The following CAST variants were observed in gnomAD, a reference collection of about 807,000 sequenced individuals.
CAST encodes MIR583 host.
CAST carries 76 observed loss-of-function variants against 119.6 expected under a neutral mutation model. The ratio of observed to expected loss-of-function variants is 0.64; its 90% CI spans 0.53 to 0.77. The LOEUF (loss-of-function observed/expected upper bound fraction) is 0.77. Among genes scored for constraint, CAST ranks in the 30% least tolerant of loss-of-function variants. The pLI, the probability that CAST is intolerant of heterozygous loss-of-function variation, is 0.00. For synonymous variants in CAST, 319 were observed against 331.6 expected, an observed-to-expected ratio of 0.96 and a Z score of 0.41; for missense variants, 953 against 946.5, an observed-to-expected ratio of 1.01 and a Z score of -0.09.
chr5:96,099,238 T>C, the CAST span, among the ~76,000 whole-genome samples: 2 of 152,058 alleles, frequency 1.3e-5, no homozygotes, highest in African/African-American at 4.8e-5. Flanking sequence ...AACAATGGGG[T>C]TTTCTAGATA....
At chr5:96,195,883 A>G in the CAST span, among the ~76,000 whole-genome samples, 91 of 152,304 alleles carry the variant, frequency 6.0e-4, no homozygotes, top group African/African-American at 2.1e-3. Context: ...ATGGCATTAA[A>G]TTCCCTTGAA....
intron 3 of CAST, chr5:96,703,029 C>T: frequency 2.5e-6 from 2 of 784,974 alleles, no homozygotes; most frequent in Non-Finnish European, 3.1e-6. Flanking sequence ...CAGCGGACTC[C>T]CCAGGCTCGG....
chr5:96,665,517 T>C (rs1312593777), intron 1 of CAST, among the ~76,000 whole-genome samples: 2 of 152,198 alleles, frequency 1.3e-5, no homozygotes, highest in Non-Finnish European at 2.9e-5. Flanking sequence ...CGCTAGACCA[T>C]GGACTCCTAA....
At chr5:96,108,473 G>A in the CAST span, among the ~76,000 whole-genome samples, 62 of 152,326 alleles carry the variant, frequency 4.1e-4, 1 homozygote, top group East Asian at 6.8e-3. Flanking sequence ...GTCTGTTGGA[G>A]TACCCGGCCG....
chr5:96,424,225 T>C, the CAST span, among the ~76,000 whole-genome samples: 1 of 152,130 alleles, frequency 6.6e-6, no homozygotes, highest in South Asian at 2.1e-4. Flanking sequence ...AAAGTGTCAG[T>C]GAAGGAGCTG....
intron 1 of CAST, among the ~76,000 whole-genome samples, chr5:96,666,141 T>C (rs1159547206): frequency 6.6e-6 from 1 of 152,144 alleles, no homozygotes; most frequent in Non-Finnish European, 1.5e-5. Flanking sequence ...CTCAGATGTG[T>C]TCGTTTAACA....
At chr5:96,442,884 CTTCT>C in the CAST span, among the ~76,000 whole-genome samples, 2 of 152,118 alleles carry the variant, frequency 1.3e-5, no homozygotes, top group Non-Finnish European at 2.9e-5. Context: ...CCTCTTCTTC[CTTCT>C]TTATTATTGT....
At chr5:96,255,275 G>A in the CAST span, among the ~76,000 whole-genome samples, 1 of 152,104 alleles carries the variant, frequency 6.6e-6, no homozygotes, top group Non-Finnish European at 1.5e-5. Context: ...TCAAAGCTTG[G>A]AATGTTGTGG....
At chr5:96,010,014 T>C in the CAST span, among the ~76,000 whole-genome samples, 1 of 152,226 alleles carries the variant, frequency 6.6e-6, no homozygotes, top group African/African-American at 2.4e-5. Flanking sequence ...TGTATATGGC[T>C]AGCCAGTTAT....
At chr5:96,704,111 A>G (rs1273160188) in intron 3 of CAST, among the ~76,000 whole-genome samples, 1 of 152,222 alleles carries the variant, frequency 6.6e-6, no homozygotes, top group Non-Finnish European at 1.5e-5. Flanking sequence ...ACCTATAGCA[A>G]TGAGGCTGAC....
chr5:96,698,230 T>G (rs909819442), intron 3 of CAST, among the ~76,000 whole-genome samples: 1 of 152,196 alleles, frequency 6.6e-6, no homozygotes, highest in Non-Finnish European at 1.5e-5. Flanking sequence ...ACCCTATTTT[T>G]CTGAGATGGG....
intron 1 of CAST, among the ~76,000 whole-genome samples, chr5:96,556,408 C>T (rs1045985255): frequency 6.6e-6 from 1 of 152,144 alleles, no homozygotes; most frequent in Non-Finnish European, 1.5e-5. Context: ...GATCAAACTA[C>T]TCAGAGCTAA....
At chr5:96,355,391 G>A in the CAST span, among the ~76,000 whole-genome samples, 1 of 152,024 alleles carries the variant, frequency 6.6e-6, no homozygotes, top group African/African-American at 2.4e-5. Context: ...AGTATTCTGT[G>A]GTATATATTT....
chr5:96,349,137 C>CTCTTTTTTTTTTTTTTTTTTTTTTTTTT, the CAST span, among the ~76,000 whole-genome samples: 1 of 31,316 alleles, frequency 3.2e-5, no homozygotes, highest in Non-Finnish European at 5.9e-5. Context: ...AACAAGGACA[C>CTCTTTTTTTTTTTTTTTTTTTTTTTTTT]TATTTTTTTT....
At chr5:96,490,557 A>G in the CAST span, among the ~76,000 whole-genome samples, 9 of 152,346 alleles carry the variant, frequency 5.9e-5, 1 homozygote, top group Non-Finnish European at 1.0e-4. Flanking sequence ...ATAATCATAT[A>G]CAAATAGGCT....
At chr5:96,552,589 A>G (rs1262096650) in intron 1 of CAST, among the ~76,000 whole-genome samples, 1 of 152,240 alleles carries the variant, frequency 6.6e-6, no homozygotes, top group African/African-American at 2.4e-5. Flanking sequence ...TGAAGGAGAT[A>G]GAGACACAAA....
the CAST span, among the ~76,000 whole-genome samples, chr5:96,114,569 C>T: frequency 6.6e-6 from 1 of 152,264 alleles, no homozygotes; most frequent in East Asian, 1.9e-4. Flanking sequence ...ATCTGTATTT[C>T]TAACAAATTT....
At chr5:96,035,591 G>T in the CAST span, among the ~76,000 whole-genome samples, 1 of 151,922 alleles carries the variant, frequency 6.6e-6, no homozygotes, top group Admixed American at 6.6e-5. Flanking sequence ...TCTCTGGAAG[G>T]TGTAATATGG....
At chr5:96,213,054 G>C in the CAST span, among the ~76,000 whole-genome samples, 1 of 152,122 alleles carries the variant, frequency 6.6e-6, no homozygotes, top group Non-Finnish European at 1.5e-5. Flanking sequence ...AGGAGTTGAA[G>C]GCTATAGTGA....
Sources: allele counts gnomAD v4.1 joint callset (sites outside exome capture counted in the v4.1 genomes callset), GRCh38; gene constraint gnomAD v4.1.1; transcripts MANE v1.5; gene names NCBI Gene and HGNC (gene_info 2026-07-23, HGNC 2026-07-21).